Variants in KCND3 observed in about 807,000 individuals in gnomAD.
KCND3 encodes A-type voltage-gated potassium channel KCND3.
In KCND3, 9 loss-of-function variants were observed where a neutral mutation model predicts 51.1. The ratio of observed to expected loss-of-function variants is 0.18; its 90% CI spans 0.11 to 0.31. The LOEUF (loss-of-function observed/expected upper bound fraction) is 0.31, where lower values mean the gene tolerates loss of function less well. Among genes scored for constraint, KCND3 ranks in the 10% least tolerant of loss-of-function variants. KCND3 has a pLI of 1.00. For synonymous variants in KCND3, 349 were observed against 368.0 expected (o/e 0.95, Z 0.59); for missense variants, 526 against 903.8 (o/e 0.58, Z 5.36).
chr1:111,895,562 A>C (rs1445145430), intron 2 of KCND3, among the ~76,000 whole-genome samples: 1 of 152,160 alleles, frequency 6.6e-6, no homozygotes, highest in Admixed American at 6.5e-5. Context: ...GTCCCCGGGG[A>C]GCTGCATCCC....
At chr1:111,965,444 A>ACACACACACACACACG (rs1673919546) in intron 2 of KCND3, among the ~76,000 whole-genome samples, 1 of 112,156 alleles carries the variant, frequency 8.9e-6, no homozygotes, top group Non-Finnish European at 2.0e-5. Context: ...AAAACCACAC[A>ACACACACACACACACG]CACACACACA....
intron 2 of KCND3, among the ~76,000 whole-genome samples, chr1:111,946,325 A>T (rs1672776129): frequency 6.6e-6 from 1 of 152,214 alleles, no homozygotes; most frequent in South Asian, 2.1e-4. Context: ...GTCGTGGGCA[A>T]GGGGAAAGGC....
intron 3 of KCND3, among the ~76,000 whole-genome samples, chr1:111,784,655 A>C (rs1413800971): frequency 1.3e-5 from 2 of 152,114 alleles, no homozygotes; most frequent in Non-Finnish European, 1.5e-5. Context: ...ACTTGCCTTG[A>C]CCCATGGTGA....
Position 111,860,120 on chromosome 1 carries a change from G to A in KCND3, c.1107-73014C>T, listed in dbSNP as rs551846507. Among the ~76,000 whole-genome samples, 17 of 152,332 alleles carry A rather than the reference G, an allele frequency of 1.1e-4. No homozygotes were observed. In the East Asian group the frequency reaches 2.9e-3, roughly 26 times the overall value. On this transcript the variant is annotated intron_variant, in intron 2 of 7. Transcript: ENST00000302127. Reference sequence around the variant, plus strand: ...CTTAGATACTACCAACAATAGTTACGGCAGGCACTTCAAAATATTCGGTAG... The same window carrying A: ...CTTAGATACTACCAACAATAGTTACAGCAGGCACTTCAAAATATTCGGTAG...
At chr1:111,965,479 CACACACACACG>C in intron 2 of KCND3, among the ~76,000 whole-genome samples, 1 of 150,596 alleles carries the variant, frequency 6.6e-6, no homozygotes, top group African/African-American at 2.4e-5. Context: ...CACACACACA[CACACACACACG>C]CCAGGAGCAT....
intron 2 of KCND3, among the ~76,000 whole-genome samples, chr1:111,830,274 T>C (rs563657805): frequency 3.6e-4 from 55 of 152,348 alleles, no homozygotes; most frequent in African/African-American, 1.3e-3. Flanking sequence ...CTGTGGCTCC[T>C]CATAGCCTTC....
At position 111,982,868 on chromosome 1, in the gene KCND3, G is replaced by A; in HGVS notation, c.-72-70C>T. The A allele has an allele frequency of 8.3e-7, 1 of 1,198,254 alleles. No individual in the cohort carries two copies. The highest frequency in any genetic ancestry group is 1.2e-6 in the Non-Finnish European group (1 of 845,268). 74.2% of individuals were successfully genotyped at this position (1,198,254 alleles called of 1,614,324 possible). A position where few individuals can be genotyped will look rare whatever the true frequency, so the allele number is the denominator to read the frequency against. ...ACTGGCAGGTAAGAAATGGGACACA[G>A]GAAAGGATCACTGGTGAGTGAAACG... On this transcript the variant is annotated intron_variant, in intron 1 of 7. Transcript: ENST00000302127. This position sits in a 1 kb window ranked among gnomAD's most constrained non-coding sequence, Gnocchi z 8.5.
intron 2 of KCND3, among the ~76,000 whole-genome samples, chr1:111,898,209 C>G (rs745681097): frequency 1.8e-4 from 27 of 148,960 alleles, no homozygotes; most frequent in Non-Finnish European, 3.2e-4. Flanking sequence ...GAGTGAAGGA[C>G]TCTATTCATT....
intron 2 of KCND3, among the ~76,000 whole-genome samples, chr1:111,972,996 TG>T (rs978056639): frequency 5.8e-4 from 88 of 152,366 alleles, no homozygotes; most frequent in Middle Eastern, 3.4e-3. Flanking sequence ...CCTGTAATTA[TG>T]GTTAACTCTT....
rs543182990 is a variant in KCND3 at position 111,937,833 on chromosome 1, C to T, written c.1106+43788G>A. Among the ~76,000 whole-genome samples, 3 of 152,286 alleles carry T rather than the reference C, an allele frequency of 2.0e-5. No individual in the cohort carries two copies. The South Asian group carries it at 6.2e-4, about 32-fold the overall frequency. On this transcript the variant is annotated intron_variant, in intron 2 of 7. Coordinates refer to ENST00000302127, the MANE Select transcript of KCND3 (RefSeq NM_001378969.1). ...TGAACACACATTCTGGGCTGGGGAG[C>T]CAAGATGGAGAGCTGGCCAGAGGCA...
At chr1:111,820,569 A>C (rs1316912683) in intron 2 of KCND3, among the ~76,000 whole-genome samples, 1 of 152,106 alleles carries the variant, frequency 6.6e-6, no homozygotes, top group Admixed American at 6.5e-5. Context: ...GCCCAACTCT[A>C]TTTGGCTCTA....
intron 2 of KCND3, among the ~76,000 whole-genome samples, chr1:111,834,583 G>C (rs1476941837): frequency 1.3e-5 from 2 of 152,148 alleles, no homozygotes; most frequent in African/African-American, 4.8e-5. Context: ...CTCAACACCA[G>C]TCTTGACAAG....
intron 2 of KCND3, among the ~76,000 whole-genome samples, chr1:111,857,696 C>A (rs1668142610): frequency 6.6e-6 from 1 of 150,970 alleles, no homozygotes; most frequent in Non-Finnish European, 1.5e-5. Context: ...GTGGAAGGTC[C>A]TCCCCAGCGC....
chr1:111,964,366 G>A (rs1163118346), intron 2 of KCND3, among the ~76,000 whole-genome samples: 2 of 152,218 alleles, frequency 1.3e-5, no homozygotes, highest in African/African-American at 4.8e-5. Flanking sequence ...GCGGGCTGCA[G>A]TACACAGGTG....
At chr1:111,927,776 G>A (rs1280864700) in intron 2 of KCND3, among the ~76,000 whole-genome samples, 1 of 152,178 alleles carries the variant, frequency 6.6e-6, no homozygotes, top group African/African-American at 2.4e-5. Context: ...CAGAAAAGTG[G>A]GCCAGAAATC....
At chr1:111,840,718 C>T (rs1380117168) in intron 2 of KCND3, among the ~76,000 whole-genome samples, 1 of 152,190 alleles carries the variant, frequency 6.6e-6, no homozygotes, top group South Asian at 2.1e-4. Context: ...GGCTGTGGAA[C>T]TGAACTTCCT....
At chr1:111,816,438 C>T (rs2101586687) in intron 2 of KCND3, among the ~76,000 whole-genome samples, 1 of 152,392 alleles carries the variant, frequency 6.6e-6, no homozygotes, top group East Asian at 1.9e-4. Flanking sequence ...ATTCCACAAA[C>T]ATCTGCAGAA....
intron 2 of KCND3, among the ~76,000 whole-genome samples, chr1:111,843,035 A>G (rs1667396978): frequency 6.6e-6 from 1 of 152,182 alleles, no homozygotes; most frequent in Admixed American, 6.5e-5. Flanking sequence ...GCTTGTTATT[A>G]CATTGTCTGG....
rs557713851 is a variant in KCND3 at position 111,895,789 on chromosome 1, C to T, written c.1106+85832G>A. Among the ~76,000 whole-genome samples the T allele has an allele frequency of 8.5e-5, 13 of 152,334 alleles. No homozygotes were observed. In the South Asian group the frequency reaches 2.5e-3, roughly 29 times the overall value. ...GGTGGGCAGGAAGCTTCAGCGGAAA[C>T]GCTGCCAGCTCTTCCCGGGGCCAGC... On this transcript the variant is annotated intron_variant, in intron 2 of 7. Coordinates refer to ENST00000302127, the MANE Select transcript of KCND3 (RefSeq NM_001378969.1).
Sources: gnomAD v4.1 joint callset for allele counts (sites outside exome capture counted in the v4.1 genomes callset) on GRCh38, gnomAD v4.1.1 for gene constraint, Gnocchi (gnomAD v3.1) non-coding constraint, MANE v1.5 for transcripts, NCBI Gene and HGNC (gene_info 2026-07-23, HGNC 2026-07-21) for gene names.